DAAM2: variants seen among roughly 807,000 people sequenced by gnomAD.
DAAM2 encodes disheveled-associated activator of morphogenesis 2.
In DAAM2, 39 loss-of-function variants were observed where a neutral mutation model predicts 120.7. The observed-to-expected ratio is 0.32, with a 90% confidence interval of 0.25 to 0.42. The LOEUF (loss-of-function observed/expected upper bound fraction) is 0.42. Ranked by LOEUF, DAAM2 falls within the 10% of genes least tolerant of loss-of-function variation. The pLI is 1.00. For synonymous variants in DAAM2, 488 were observed against 524.9 expected (o/e 0.93, Z 0.96); for missense variants, 1,283 against 1,401.7 (o/e 0.92, Z 1.35).
At position 39,835,544 on chromosome 6, in the gene DAAM2, C is replaced by T. The variant is rs560631033; in HGVS notation, c.-56-20703C>T. Among the ~76,000 whole-genome samples, 4 of 152,178 alleles carry T rather than the reference C, an allele frequency of 2.6e-5. No homozygotes were observed. The South Asian group carries it at 6.2e-4, about 24-fold the overall frequency. ...GGAGGGCAGGGACTGTGTCTTTTTT[C>T]GTATTGGTGCCAGGTCACAGAGTTG... On this transcript the variant is annotated intron_variant, in intron 1 of 24. Transcript: ENST00000274867.
chr6:39,868,485 A>G (rs955437071), intron 6 of DAAM2: 14 of 298,682 alleles, frequency 4.7e-5, no homozygotes, highest in African/African-American at 1.1e-4. Flanking sequence ...AGCAGTGTCC[A>G]TACCATAAAT....
intron 1 of DAAM2, among the ~76,000 whole-genome samples, chr6:39,832,140 C>CA (rs551131370): frequency 1.1e-3 from 160 of 151,996 alleles, no homozygotes; most frequent in African/African-American, 3.6e-3. Flanking sequence ...CACTGGTGCT[C>CA]ACTCCTCTGC....
At chr6:39,836,971 C>G (rs1763124791) in intron 1 of DAAM2, among the ~76,000 whole-genome samples, 1 of 152,192 alleles carries the variant, frequency 6.6e-6, no homozygotes, top group Admixed American at 6.5e-5. Flanking sequence ...TACTCAGCAC[C>G]TTAGCATCAC....
chr6:39,869,781 A>G (rs147711296), intron 7 of DAAM2, among the ~76,000 whole-genome samples: 1 of 101,082 alleles, frequency 9.9e-6, no homozygotes, highest in African/African-American at 3.8e-5. Flanking sequence ...TTTTTTTTTT[A>G]AAAACAATTT....
At chr6:39,823,718 C>G (rs531130019) in intron 1 of DAAM2, among the ~76,000 whole-genome samples, 38 of 152,294 alleles carry the variant, frequency 2.5e-4, no homozygotes, top group African/African-American at 8.7e-4. Flanking sequence ...GTGACTTGTG[C>G]CTCACCACCC....
intron 1 of DAAM2, among the ~76,000 whole-genome samples, chr6:39,852,355 A>C (rs1223460076): frequency 2.6e-5 from 4 of 152,200 alleles, no homozygotes; most frequent in Non-Finnish European, 4.4e-5. Flanking sequence ...GTCCAGGGCC[A>C]GTGATGAAGA....
chr6:39,853,006 G>T (rs997392283), intron 1 of DAAM2, among the ~76,000 whole-genome samples: 2 of 152,186 alleles, frequency 1.3e-5, no homozygotes, highest in Admixed American at 1.3e-4. Context: ...CTAGCGGAGG[G>T]AGGCTATGGC....
At position 39,880,542 on chromosome 6, in the gene DAAM2, C is replaced by T. The variant is rs183223594; in HGVS notation, c.1845+1065C>T. On this transcript the variant is annotated intron_variant, in intron 14 of 24. Coordinates refer to ENST00000274867, the MANE Select transcript of DAAM2 (RefSeq NM_001201427.2). ...GCTTAGGATCTGCCAAATTAGGAAG[C>T]ATGTTCAAAGAAACCCCTAGAGAGC... Among the ~76,000 whole-genome samples, 50 of 152,274 alleles carry T rather than the reference C, an allele frequency of 3.3e-4. No homozygotes were observed. In the East Asian group the frequency reaches 8.7e-3, roughly 26 times the overall value.
In DAAM2 at chr6:39,849,473, A is replaced by G. The variant is rs1398528732; in HGVS notation, c.-56-6774A>G. 5.9e-5 allele frequency among the ~76,000 whole-genome samples: 9 copies of G among 152,336 alleles called. No homozygotes were observed. The East Asian group carries it at 1.4e-3, about 23-fold the overall frequency. On this transcript the variant is annotated intron_variant, in intron 1 of 24. Transcript: ENST00000274867. ...AGGCTCTATTCCAAATGCTTTACAA[A>G]TATTAACTACTTTAATCCTCCTGAC...
Position 39,903,809 on chromosome 6 carries a change from GGT to G in DAAM2, c.*1783_*1784del, listed in dbSNP as rs137901955. 2.8e-4 allele frequency: 55 copies of G among 197,032 alleles called. No individual in the cohort carries two copies. Among genetic ancestry groups the G allele is most frequent in the South Asian group, 7.2e-4 (7 of 9,730 alleles). The allele number at this position is 197,032 out of a possible 1,614,324, so 12.2% of individuals were successfully genotyped here. On this transcript the variant is annotated 3_prime_UTR_variant, in exon 25 of 25. Transcript: ENST00000274867. Reference sequence around the variant, plus strand: ...TGTGCGTTGGTTTGAGGGGGCGGGCGGTGTGTGTGTGTTCTGGTGGGAGGGAT... The same window carrying G: ...TGTGCGTTGGTTTGAGGGGGCGGGCGGTGTGTGTGTTCTGGTGGGAGGGAT...
intron 19 of DAAM2, among the ~76,000 whole-genome samples, chr6:39,895,259 G>A (rs558561987): frequency 1.5e-4 from 10 of 65,908 alleles, no homozygotes; most frequent in Middle Eastern, 0.01. Flanking sequence ...TATTTGAGAC[G>A]GAGCCTCACT....
At chr6:39,853,236 G>T (rs1048277758) in intron 1 of DAAM2, among the ~76,000 whole-genome samples, 2 of 152,194 alleles carry the variant, frequency 1.3e-5, no homozygotes, top group Non-Finnish European at 2.9e-5. Flanking sequence ...TTTTGGCAGA[G>T]AACCTGTGAT....
chr6:39,795,603 G>C (rs1761677037), intron 1 of DAAM2, among the ~76,000 whole-genome samples: 1 of 152,144 alleles, frequency 6.6e-6, no homozygotes, highest in African/African-American at 2.4e-5. Flanking sequence ...AGGGAGTGCT[G>C]TATTTTTATT....
intron 17 of DAAM2, among the ~76,000 whole-genome samples, chr6:39,889,460 T>C (rs1470085869): frequency 6.6e-6 from 1 of 152,186 alleles, no homozygotes; most frequent in Admixed American, 6.5e-5. Flanking sequence ...GAATTCTCAT[T>C]TGGCACAATT....
intron 1 of DAAM2, among the ~76,000 whole-genome samples, chr6:39,812,031 A>G (rs970447978): frequency 1.1e-4 from 16 of 152,164 alleles, no homozygotes; most frequent in Non-Finnish European, 1.8e-4. Context: ...GAGAATTTGT[A>G]TCTGGGGCAT....
chr6:39,897,086 C>T, intron 20 of DAAM2, 89 bp from the exon 21 acceptor site: 1 of 1,518,352 alleles, frequency 6.6e-7, no homozygotes, highest in African/African-American at 1.4e-5. Flanking sequence ...ACTCATCACC[C>T]CTTTCTCTTA....
intron 1 of DAAM2, among the ~76,000 whole-genome samples, chr6:39,831,718 A>ACAGGTGCACTAGGGGG (rs1762897696): frequency 1.6e-5 from 2 of 128,300 alleles, no homozygotes; most frequent in Non-Finnish European, 3.2e-5. Context: ...ACGCTGAGGG[A>ACAGGTGCACTAGGGGG]CAGGTGCACT....
intron 1 of DAAM2, among the ~76,000 whole-genome samples, chr6:39,848,146 A>G (rs1235309413): frequency 6.9e-6 from 1 of 144,388 alleles, no homozygotes; most frequent in African/African-American, 2.9e-5. Context: ...GCCCAGCTTC[A>G]TTGACACTTC....
At chr6:39,840,257 C>A (rs546132434) in intron 1 of DAAM2, among the ~76,000 whole-genome samples, 5 of 152,148 alleles carry the variant, frequency 3.3e-5, no homozygotes, top group African/African-American at 7.2e-5. Context: ...AACAAACAGG[C>A]AGCTAGGTCA....
Sources: gnomAD v4.1 joint callset for allele counts (sites outside exome capture counted in the v4.1 genomes callset) on GRCh38, gnomAD v4.1.1 for gene constraint, MANE v1.5 for transcripts, NCBI Gene and HGNC (gene_info 2026-07-23, HGNC 2026-07-21) for gene names.